The following EPHA6 variants were observed in gnomAD, a reference collection of about 807,000 sequenced individuals.
EPHA6 encodes EPH receptor A6.
A neutral mutation model predicts 112.0 loss-of-function variants in EPHA6; 50 were observed. The ratio of observed to expected loss-of-function variants is 0.45; its 90% CI spans 0.36 to 0.56. The LOEUF (loss-of-function observed/expected upper bound fraction) is 0.56, where lower values mean the gene tolerates loss of function less well. Ranked by LOEUF, EPHA6 falls within the 20% of genes least tolerant of loss-of-function variation. The pLI is 0.00. For synonymous variants in EPHA6, 529 were observed against 490.7 expected (o/e 1.08, Z -1.03); for missense variants, 1,280 against 1,417.4 (o/e 0.90, Z 1.56).
At chr3:97,594,660 T>C (rs2107358241) in intron 12 of EPHA6, among the ~76,000 whole-genome samples, 1 of 152,324 alleles carries the variant, frequency 6.6e-6, no homozygotes, top group East Asian at 1.9e-4. Context: ...TTTTTATATT[T>C]TGTGTAAAGA....
At chr3:97,081,558 C>G (rs1435080695) in intron 3 of EPHA6, among the ~76,000 whole-genome samples, 1 of 151,722 alleles carries the variant, frequency 6.6e-6, no homozygotes, top group African/African-American at 2.4e-5. Context: ...GAAACTGACA[C>G]ACTTATACAG....
intron 5 of EPHA6, chr3:97,244,814 A>C (rs2078940460): frequency 6.5e-6 from 1 of 153,736 alleles, no homozygotes; most frequent in African/African-American, 2.4e-5. Flanking sequence ...AGTTTGTGAA[A>C]AGTAGTTAAA....
At position 96,814,695 on chromosome 3, in the gene EPHA6, T is replaced by C; in HGVS notation, c.72T>C (p.Ala24=). 6.7e-7 allele frequency: 1 copy of C among 1,499,988 alleles called. No homozygotes were observed. Among genetic ancestry groups the C allele is most frequent in the South Asian group, 1.4e-5 (1 of 73,642 alleles). The allele number at this position is 1,499,988 out of a possible 1,614,324, so 92.9% of individuals were successfully genotyped here. ...APQAASSSEA[A]APATGQPGPS... is the part of the protein sequence containing the mutation. ...AGGCAGCGTCCTCCTCCGAAGCAGCTGCACCTGCAACTGGGCAGCCTGGAC... is the reference window on the plus strand; with the variant it reads ...AGGCAGCGTCCTCCTCCGAAGCAGCCGCACCTGCAACTGGGCAGCCTGGAC... The change falls in exon 1 of 18, where the codon GCT becomes GCC. Residue 24 remains alanine, a synonymous_variant. Coordinates refer to ENST00000389672, the MANE Select transcript of EPHA6 (RefSeq NM_001080448.3).
chr3:96,915,519 A>G (rs2107614025), intron 2 of EPHA6, among the ~76,000 whole-genome samples: 1 of 152,210 alleles, frequency 6.6e-6, no homozygotes, highest in Non-Finnish European at 1.5e-5. Flanking sequence ...TTCAAATTGA[A>G]TTTTAAGAAC....
rs182375485 is a variant in EPHA6 at position 97,393,745 on chromosome 3, C to A, written c.1607-11405C>A. On this transcript the variant is annotated intron_variant, in intron 5 of 17. Coordinates refer to ENST00000389672, the MANE Select transcript of EPHA6 (RefSeq NM_001080448.3). ...TCCCCATTTTGCTCCCCACTACCCT[C>A]TTCAGACTCTGGTAATCATTGTTCT... 2.4e-4 allele frequency among the ~76,000 whole-genome samples: 36 copies of A among 151,936 alleles called. No individual in the cohort carries two copies. In the East Asian group the frequency reaches 6.8e-3, roughly 29 times the overall value.
intron 13 of EPHA6, among the ~76,000 whole-genome samples, chr3:97,630,217 A>T (rs1274139369): frequency 6.6e-6 from 1 of 151,980 alleles, no homozygotes; most frequent in African/African-American, 2.4e-5. Flanking sequence ...TACAACTAAA[A>T]ATATAACTGT....
At chr3:97,311,887 T>C (rs922648699) in intron 5 of EPHA6, among the ~76,000 whole-genome samples, 1 of 150,748 alleles carries the variant, frequency 6.6e-6, no homozygotes, top group Non-Finnish European at 1.5e-5. Context: ...GAATTTTGAA[T>C]GAGAATACAC....
At chr3:97,242,239 T>C (rs1335577108) in intron 4 of EPHA6, among the ~76,000 whole-genome samples, 1 of 151,844 alleles carries the variant, frequency 6.6e-6, no homozygotes, top group Non-Finnish European at 1.5e-5. Flanking sequence ...AGTCCTGCAC[T>C]ATCTAGCTTC....
chr3:96,867,275 A>G (rs1301164208), intron 2 of EPHA6, among the ~76,000 whole-genome samples: 1 of 151,842 alleles, frequency 6.6e-6, no homozygotes, highest in Non-Finnish European at 1.5e-5. Context: ...TGGATTGTGC[A>G]AATATTAACA....
chr3:97,631,927 C>T (rs947738453), intron 13 of EPHA6, among the ~76,000 whole-genome samples: 3 of 151,890 alleles, frequency 2.0e-5, no homozygotes, highest in African/African-American at 2.4e-5. Flanking sequence ...CTAAGCTATT[C>T]GGTTGGTGGG....
At chr3:97,737,136 G>T (rs781341344) in intron 16 of EPHA6, among the ~76,000 whole-genome samples, 1 of 152,010 alleles carries the variant, frequency 6.6e-6, no homozygotes, top group African/African-American at 2.4e-5. Context: ...CTATTACTCC[G>T]GCCCATCTTC....
chr3:96,945,456 G>A (rs879428620), intron 2 of EPHA6, among the ~76,000 whole-genome samples: 2 of 152,110 alleles, frequency 1.3e-5, no homozygotes, highest in Middle Eastern at 3.2e-3. Context: ...CCATGCATTC[G>A]AGTTATAATT....
chr3:97,575,259 T>A (rs1197792695), intron 11 of EPHA6, among the ~76,000 whole-genome samples: 1 of 152,150 alleles, frequency 6.6e-6, no homozygotes, highest in Non-Finnish European at 1.5e-5. Flanking sequence ...CTATTCTAGA[T>A]ATATATGCAA....
At chr3:97,647,217 C>A (rs1433034033) in intron 14 of EPHA6, among the ~76,000 whole-genome samples, 1 of 152,076 alleles carries the variant, frequency 6.6e-6, no homozygotes, top group Non-Finnish European at 1.5e-5. Flanking sequence ...TACTGCACCA[C>A]CAACCAAAAA....
chr3:97,520,673 A>G (rs1238649102), intron 10 of EPHA6, among the ~76,000 whole-genome samples: 1 of 152,166 alleles, frequency 6.6e-6, no homozygotes, highest in Non-Finnish European at 1.5e-5. Context: ...GTTTGACTGT[A>G]ATGTGCCGTG....
chr3:97,265,546 G>A (rs1263899016), intron 5 of EPHA6, among the ~76,000 whole-genome samples: 3 of 152,210 alleles, frequency 2.0e-5, no homozygotes, highest in Non-Finnish European at 4.4e-5. Flanking sequence ...AGGACCAGGA[G>A]TAGGGAGATG....
intron 3 of EPHA6, among the ~76,000 whole-genome samples, chr3:97,135,856 C>CCA (rs113592764): frequency 0.032 from 4,770 of 148,240 alleles, 105 homozygotes; most frequent in African/African-American, 0.078. Context: ...GGATTAAATG[C>CCA]CACACACACA....
chr3:97,249,717 T>C lies in EPHA6; in HGVS notation c.1606+5430T>C, dbSNP rs540653501. ...CTTGAGGGCATGAATGATGTGTTAT[T>C]GACTAAGAATATCCTCCATTTACAT... On this transcript the variant is annotated intron_variant, in intron 5 of 17. Coordinates refer to ENST00000389672, the MANE Select transcript of EPHA6 (RefSeq NM_001080448.3). Among the ~76,000 whole-genome samples the C allele has an allele frequency of 2.0e-5, 3 of 152,308 alleles. No homozygotes were observed. The South Asian group carries it at 6.2e-4, about 32-fold the overall frequency.
At chr3:97,469,703 C>A (rs1418599561) in intron 7 of EPHA6, among the ~76,000 whole-genome samples, 1 of 151,650 alleles carries the variant, frequency 6.6e-6, no homozygotes, top group African/African-American at 2.4e-5. Context: ...GCCTGAACAT[C>A]TCTGAGAATG....
Sources: allele counts gnomAD v4.1 joint callset (sites outside exome capture counted in the v4.1 genomes callset), GRCh38; gene constraint gnomAD v4.1.1; transcripts MANE v1.5; gene names NCBI Gene and HGNC (gene_info 2026-07-23, HGNC 2026-07-21).